Variants in UST observed in about 807,000 individuals in gnomAD.
The protein encoded by UST is chondroitin sulfate 2-O-sulfotransferase.
A neutral mutation model predicts 45.6 loss-of-function variants in UST; 21 were observed. The observed-to-expected ratio is 0.46, with a 90% CI of 0.33 to 0.66. UST has a LOEUF of 0.66. UST is among the 30% of genes least tolerant of loss of function. UST has a pLI of 0.02. For missense variants in UST, 463 were observed against 512.4 expected (o/e 0.90, Z 0.93); for synonymous variants, 215 against 200.6 (o/e 1.07, Z -0.61).
chr6:148,758,100 CAT>C (rs948492757), intron 1 of UST, among the ~76,000 whole-genome samples: 5 of 152,218 alleles, frequency 3.3e-5, no homozygotes, highest in African/African-American at 1.2e-4. Flanking sequence ...CACACATACA[CAT>C]ATGAGTGTAC....
chr6:149,009,010 A>G (rs1775763062), intron 5 of UST, among the ~76,000 whole-genome samples: 1 of 152,214 alleles, frequency 6.6e-6, no homozygotes, highest in Non-Finnish European at 1.5e-5. Context: ...CTTAAAAGAC[A>G]GGGGCTAAAA....
At chr6:148,913,530 T>C (rs185258489) in intron 2 of UST, among the ~76,000 whole-genome samples, 27 of 150,936 alleles carry the variant, frequency 1.8e-4, no homozygotes, top group African/African-American at 6.6e-4. Context: ...TCATTGTCAG[T>C]AATGAATGTC....
intron 1 of UST, among the ~76,000 whole-genome samples, chr6:148,851,945 G>A (rs1778114370): frequency 6.6e-6 from 1 of 152,238 alleles, no homozygotes; most frequent in South Asian, 2.1e-4. Context: ...AGTGAGTGAG[G>A]CCCACACTGC....
chr6:149,051,051 T>C (rs1171996730), intron 7 of UST, among the ~76,000 whole-genome samples: 1 of 152,142 alleles, frequency 6.6e-6, no homozygotes, highest in African/African-American at 2.4e-5. Context: ...GAACATCAGG[T>C]GGCTTCAGTC....
chr6:149,022,293 G>A (rs973149606), intron 7 of UST, among the ~76,000 whole-genome samples: 2 of 152,160 alleles, frequency 1.3e-5, no homozygotes, highest in African/African-American at 2.4e-5. Context: ...AAGGCATTCT[G>A]CCCTGTAGAA....
Position 148,747,530 on chromosome 6 carries a change from C to T in UST, c.100C>T (p.Arg34Trp). ...APPGLGSWKR[R>W]VPLLPFLRFS... ...TCCGGGCCTGGGCAGCTGGAAGCGT[C>T]GGGTGCCCCTGCTGCCTTTCCTGCG... The change falls in exon 1 of 8, where the codon CGG (arginine) becomes TGG (tryptophan). Residue 34 changes from arginine (R) to tryptophan (W), a missense_variant. Coordinates refer to ENST00000367463, the MANE Select transcript of UST (RefSeq NM_005715.3). 6.5e-7 allele frequency: 1 copy of T among 1,549,024 alleles called. No homozygotes were observed. The highest frequency in any genetic ancestry group is 8.7e-7 in the Non-Finnish European group (1 of 1,148,788).
At position 148,974,903 on chromosome 6, in the gene UST, C is replaced by T. The variant is rs377406481; in HGVS notation, c.681+10340C>T. 1.1e-4 allele frequency among the ~76,000 whole-genome samples: 17 copies of T among 152,350 alleles called. 1 individual carries two copies. The South Asian group carries it at 3.3e-3, about 30-fold the overall frequency. ...CACTGGTTTGACTTTTATAGTAAGA[C>T]TGCTGTCCCGTTACCCTCTGCAGAG... is the stretch of plus-strand genomic sequence containing the variant. On this transcript the variant is annotated intron_variant, in intron 5 of 7. Coordinates refer to ENST00000367463, the MANE Select transcript of UST (RefSeq NM_005715.3).
rs1777903192 is a variant in UST, at chr6:148,842,130, A to G, written c.248-44856A>G. On this transcript the variant is annotated intron_variant, in intron 1 of 7. Transcript: ENST00000367463. ...CAAGAACAACAACAACAAAAATCAA[A>G]AGGGCCTCCCAGAGCAGCACATAGT... Among the ~76,000 whole-genome samples the G allele has an allele frequency of 2.0e-5, 3 of 152,186 alleles. No individual in the cohort carries two copies. In the South Asian group the frequency reaches 6.2e-4, roughly 32 times the overall value.
intron 1 of UST, among the ~76,000 whole-genome samples, chr6:148,771,699 A>T (rs1040750290): frequency 1.3e-5 from 2 of 152,198 alleles, no homozygotes; most frequent in Non-Finnish European, 2.9e-5. Context: ...CCATGCCCCA[A>T]CTGAGCCTGT....
chr6:148,860,180 G>A (rs1778283005), intron 1 of UST, among the ~76,000 whole-genome samples: 1 of 152,144 alleles, frequency 6.6e-6, no homozygotes. Context: ...TTGAGCAGTG[G>A]TTTGTAGTTC....
chr6:149,009,373 G>A (rs1775766962), intron 5 of UST, among the ~76,000 whole-genome samples: 1 of 151,984 alleles, frequency 6.6e-6, no homozygotes, highest in Admixed American at 6.6e-5. Context: ...AAATGAAGGA[G>A]AGAAGATTAT....
At chr6:148,939,542 A>G (rs1780085311) in intron 2 of UST, among the ~76,000 whole-genome samples, 2 of 152,218 alleles carry the variant, frequency 1.3e-5, no homozygotes, top group South Asian at 2.1e-4. Flanking sequence ...TCCAGAAATA[A>G]TAATGACCCC....
chr6:149,054,796 G>A (rs1776538241), intron 7 of UST, among the ~76,000 whole-genome samples: 1 of 152,126 alleles, frequency 6.6e-6, no homozygotes, highest in South Asian at 2.1e-4. Flanking sequence ...CGAGGAAGGA[G>A]AGACATTTTT....
At chr6:149,010,913 A>AAAAAAAC (rs1554234080) in intron 5 of UST, among the ~76,000 whole-genome samples, 8,085 of 90,484 alleles carry the variant, frequency 0.089, 1,366 homozygotes, top group South Asian at 0.11. Context: ...AAAAAAAAAA[A>AAAAAAAC]AAAAAACTGT....
At chr6:148,889,221 G>C (rs1778968235) in intron 2 of UST, among the ~76,000 whole-genome samples, 1 of 152,208 alleles carries the variant, frequency 6.6e-6, no homozygotes, top group Admixed American at 6.5e-5. Context: ...TGTCAGTCTG[G>C]AGTTCACATT....
chr6:149,022,516 C>T (rs1031196579), intron 7 of UST, among the ~76,000 whole-genome samples: 12 of 152,134 alleles, frequency 7.9e-5, no homozygotes, highest in Admixed American at 2.0e-4. Flanking sequence ...AGGAGAATCG[C>T]TTGAACCTGG....
chr6:148,941,596 G>A (rs974956404), intron 3 of UST, among the ~76,000 whole-genome samples, 162 bp downstream of exon 3: 2 of 152,038 alleles, frequency 1.3e-5, no homozygotes, highest in African/African-American at 4.8e-5. Flanking sequence ...TTTAAGTTAA[G>A]GGTTCCATAA....
chr6:148,942,677 C>G (rs1436878672), intron 3 of UST, among the ~76,000 whole-genome samples: 1 of 152,180 alleles, frequency 6.6e-6, no homozygotes, highest in Non-Finnish European at 1.5e-5. Flanking sequence ...CAGAGGGAAT[C>G]TCATTCTTAA....
intron 1 of UST, among the ~76,000 whole-genome samples, chr6:148,785,163 T>C (rs1370875196): frequency 2.0e-5 from 3 of 150,218 alleles, no homozygotes; most frequent in Non-Finnish European, 4.4e-5. Flanking sequence ...ACTGAGCCAC[T>C]GCACTGCAGC....
Sources: allele counts gnomAD v4.1 joint callset (sites outside exome capture counted in the v4.1 genomes callset), GRCh38; gene constraint gnomAD v4.1.1; transcripts MANE v1.5; gene names NCBI Gene and HGNC (gene_info 2026-07-23, HGNC 2026-07-21).